SLC9A9: variants seen among roughly 807,000 people sequenced by gnomAD.
SLC9A9 encodes solute carrier family 9 member A9.
Under a neutral mutation model 77.8 loss-of-function variants are expected in SLC9A9, and 62 were observed. The observed-to-expected ratio is 0.80, with a 90% CI of 0.65 to 0.98. SLC9A9 has a LOEUF of 0.98. Among genes scored for constraint, SLC9A9 ranks in the 50% least tolerant of loss-of-function variants. SLC9A9 has a pLI of 0.00. For synonymous variants in SLC9A9, 320 were observed against 283.5 expected, an observed-to-expected ratio of 1.13 and a Z score of -1.29; for missense variants, 775 against 774.9, an observed-to-expected ratio of 1.00 and a Z score of 0.00.
At chr3:143,503,564 C>T in intron 9 of SLC9A9, 1 of 411,890 alleles carries the variant, frequency 2.4e-6, no homozygotes, top group East Asian at 7.0e-5. Context: ...CTGATGTTGG[C>T]AGTGGGAACA....
intron 14 of SLC9A9, among the ~76,000 whole-genome samples, chr3:143,302,579 G>GA (rs2030570915): frequency 6.6e-6 from 1 of 152,016 alleles, no homozygotes; most frequent in Non-Finnish European, 1.5e-5. Context: ...AGATAAGAAG[G>GA]AAAAATAGCA....
intron 9 of SLC9A9, among the ~76,000 whole-genome samples, chr3:143,501,175 A>AAG (rs1288913860): frequency 6.6e-6 from 1 of 150,790 alleles, no homozygotes; most frequent in Non-Finnish European, 1.5e-5. Context: ...TCCATAATAT[A>AAG]AGAAATAGTT....
chr3:143,603,749 T>C (rs1214703555), intron 6 of SLC9A9, among the ~76,000 whole-genome samples: 4 of 152,252 alleles, frequency 2.6e-5, no homozygotes, highest in East Asian at 1.9e-4. Context: ...AAAGTTGTGA[T>C]GTAATTTGTT....
chr3:143,826,571 A>G (rs929989101), intron 2 of SLC9A9, among the ~76,000 whole-genome samples: 17 of 152,072 alleles, frequency 1.1e-4, no homozygotes, highest in African/African-American at 3.6e-4. Flanking sequence ...TCAACATTAC[A>G]CTGTTCCTCT....
intron 14 of SLC9A9, among the ~76,000 whole-genome samples, chr3:143,287,765 C>T (rs761768194): frequency 2.6e-5 from 4 of 152,124 alleles, no homozygotes; most frequent in Non-Finnish European, 5.9e-5. Context: ...GACCTTCTCA[C>T]TGTAATTAGG....
chr3:143,643,000 G>A (rs759234351), intron 6 of SLC9A9, among the ~76,000 whole-genome samples: 35 of 151,856 alleles, frequency 2.3e-4, no homozygotes, highest in Admixed American at 1.2e-3. Context: ...GTTCCTTAGG[G>A]TGCTTGTCCT....
intron 4 of SLC9A9, among the ~76,000 whole-genome samples, chr3:143,725,178 G>T (rs1261634439): frequency 6.6e-6 from 1 of 152,116 alleles, no homozygotes; most frequent in African/African-American, 2.4e-5. Context: ...TTCTAGCCTG[G>T]TGATTGGCAC....
intron 14 of SLC9A9, among the ~76,000 whole-genome samples, chr3:143,330,967 G>A (rs988955566): frequency 2.0e-4 from 31 of 152,180 alleles, no homozygotes; most frequent in African/African-American, 7.5e-4. Context: ...AAATCACAAG[G>A]AATCGAGAAA....
At chr3:143,749,136 CAT>C (rs1354687838) in intron 4 of SLC9A9, among the ~76,000 whole-genome samples, 1 of 152,050 alleles carries the variant, frequency 6.6e-6, no homozygotes, top group Non-Finnish European at 1.5e-5. Flanking sequence ...ATTATAAACA[CAT>C]GGTTTATATA....
intron 4 of SLC9A9, among the ~76,000 whole-genome samples, chr3:143,774,667 A>C (rs181613361): frequency 1.1e-4 from 17 of 151,250 alleles, no homozygotes; most frequent in African/African-American, 3.9e-4. Context: ...ACAAGGAAAA[A>C]AGTAAGATGA....
intron 12 of SLC9A9, among the ~76,000 whole-genome samples, chr3:143,396,999 G>T (rs1241194591): frequency 6.6e-6 from 1 of 152,188 alleles, no homozygotes; most frequent in South Asian, 2.1e-4. Context: ...ACCTGTTCCA[G>T]ACACAAATGC....
intron 12 of SLC9A9, among the ~76,000 whole-genome samples, chr3:143,425,680 C>G (rs1390478405): frequency 6.6e-6 from 1 of 152,172 alleles, no homozygotes; most frequent in Non-Finnish European, 1.5e-5. Context: ...TGGTCCATCT[C>G]CACTAATCAA....
chr3:143,269,108 A>T (rs1937824810), intron 14 of SLC9A9, 128 bp from the exon 15 acceptor site: 2 of 722,124 alleles, frequency 2.8e-6, no homozygotes, highest in African/African-American at 1.8e-5. Flanking sequence ...ACTTAGGAAG[A>T]AATTTGCCCT....
intron 12 of SLC9A9, among the ~76,000 whole-genome samples, chr3:143,450,023 T>C (rs2034970357): frequency 9.1e-6 from 1 of 109,470 alleles, no homozygotes; most frequent in South Asian, 2.6e-4. Flanking sequence ...TATATACATA[T>C]AATATATATA....
At chr3:143,669,505 C>T (rs1196755013) in intron 5 of SLC9A9, among the ~76,000 whole-genome samples, 2 of 152,186 alleles carry the variant, frequency 1.3e-5, no homozygotes, top group Non-Finnish European at 2.9e-5. Context: ...TGGAGCCTTG[C>T]TTGATCCACT....
At chr3:143,413,766 A>C (rs1043645704) in intron 12 of SLC9A9, among the ~76,000 whole-genome samples, 3 of 145,358 alleles carry the variant, frequency 2.1e-5, no homozygotes, top group African/African-American at 7.8e-5. Context: ...AAGTACAGAG[A>C]TCAGTATTAT....
chr3:143,525,540 T>C (rs16853721), intron 9 of SLC9A9, among the ~76,000 whole-genome samples: 4,683 of 152,278 alleles, frequency 0.031, 249 homozygotes, highest in African/African-American at 0.11. Context: ...TCCCACAAGC[T>C]GCCCTTCGCT....
chr3:143,342,902 T>C (rs1014151600), intron 14 of SLC9A9, among the ~76,000 whole-genome samples: 5 of 152,228 alleles, frequency 3.3e-5, no homozygotes, highest in African/African-American at 1.2e-4. Flanking sequence ...TCATTCCTTC[T>C]TTCTTATCTA....
intron 5 of SLC9A9, among the ~76,000 whole-genome samples, chr3:143,678,755 T>C (rs995678362): frequency 6.6e-6 from 1 of 152,250 alleles, no homozygotes; most frequent in Non-Finnish European, 1.5e-5. Context: ...AGCTTTAAGA[T>C]AATTTTATCC....
Sources: allele counts gnomAD v4.1 joint callset (sites outside exome capture counted in the v4.1 genomes callset), GRCh38; gene constraint gnomAD v4.1.1; transcripts MANE v1.5; gene names NCBI Gene and HGNC (gene_info 2026-07-23, HGNC 2026-07-21).